The following DBX2 variants were observed in gnomAD, a reference collection of about 807,000 sequenced individuals.
DBX2 encodes the protein homeobox protein DBX2.
Under a neutral mutation model 17.7 loss-of-function variants are expected in DBX2, and 16 were observed. That is an observed-to-expected ratio of 0.90 (90% CI 0.61 to 1.37). The LOEUF is 1.37. Among genes scored for constraint, DBX2 ranks in the 40% most tolerant of loss-of-function variants. The pLI is 0.00. For synonymous variants in DBX2, 255 were observed against 183.8 expected, an observed-to-expected ratio of 1.39 and a Z score of -3.13; for missense variants, 538 against 433.8, an observed-to-expected ratio of 1.24 and a Z score of -2.13.
chr12:45,023,915 T>C, intron 2 of DBX2, 21 bp from the exon 3 acceptor site: 1 of 1,530,642 alleles, frequency 6.5e-7, no homozygotes, highest in Non-Finnish European at 8.7e-7. Flanking sequence ...GGGAAAAAGA[T>C]ACAAAAGCCC....
At chr12:45,029,542 G>A (rs1023758530) in intron 2 of DBX2, among the ~76,000 whole-genome samples, 3 of 152,182 alleles carry the variant, frequency 2.0e-5, no homozygotes, top group African/African-American at 7.2e-5. Flanking sequence ...AAGTGGGAAA[G>A]TGGCAAGAGT....
chr12:45,016,514 G>A lies in DBX2; in HGVS notation c.792C>T (p.Pro264=), dbSNP rs2137016413. 6.2e-7 allele frequency: 1 copy of A among 1,612,774 alleles called. No homozygotes were observed. Among genetic ancestry groups the A allele is most frequent in the East Asian group, 2.2e-5 (1 of 44,838 alleles). Residue 264 remains proline (P), a synonymous_variant, in exon 4 of 4, where the codon CCC becomes CCT. Transcript: ENST00000332700. ...CIQEVGLQED[P]LSRSALGFPS... is the part of the protein sequence containing the mutation. ...GGAAACCCAGAGCAGACCGTGAGAG[G>A]GGATCCTCTTGAAGACCTACTTCTT...
chr12:45,025,559 CCAGA>C (rs1356209967), intron 2 of DBX2, among the ~76,000 whole-genome samples: 1 of 151,538 alleles, frequency 6.6e-6, no homozygotes, highest in African/African-American at 2.4e-5. Flanking sequence ...GCTGAAGAAA[CCAGA>C]CAAAGAGCAC....
At chr12:45,019,425 C>T (rs1386490116) in intron 3 of DBX2, among the ~76,000 whole-genome samples, 1 of 151,982 alleles carries the variant, frequency 6.6e-6, no homozygotes, top group African/African-American at 2.4e-5. Context: ...TAGCATTGCC[C>T]ATGAGAGTGG....
At chr12:45,040,153 G>T (rs527437884) in intron 1 of DBX2, among the ~76,000 whole-genome samples, 1 of 152,216 alleles carries the variant, frequency 6.6e-6, no homozygotes, top group Admixed American at 6.5e-5. Context: ...TATCTAATCA[G>T]CTGCCAGTGC....
At chr12:45,049,784 G>T (rs192918581) in intron 1 of DBX2, among the ~76,000 whole-genome samples, 1 of 152,124 alleles carries the variant, frequency 6.6e-6, no homozygotes, top group Admixed American at 6.6e-5. Context: ...TAAATTGTCG[G>T]CATCCTTCTT....
In DBX2 at chr12:45,016,170, A is replaced by G; in HGVS notation, c.*116T>C. 1 of 1,127,544 alleles carries G rather than the reference A, an allele frequency of 8.9e-7. No homozygotes were observed. The highest frequency in any genetic ancestry group is 1.2e-6 in the Non-Finnish European group (1 of 819,140). 69.8% of individuals were successfully genotyped at this position (1,127,544 alleles called of 1,614,324 possible). ...TGGGTTTCCTAAAGCATTAGTTCAT[A>G]CATCGCTCCAAAGTTGTTAGGCTCT... On this transcript the variant is annotated 3_prime_UTR_variant, in exon 4 of 4. Transcript: ENST00000332700.
At chr12:45,022,114 A>C (rs995437317) in intron 3 of DBX2, among the ~76,000 whole-genome samples, 4 of 152,086 alleles carry the variant, frequency 2.6e-5, no homozygotes, top group African/African-American at 9.7e-5. Context: ...ACTGAGGCAC[A>C]GAACAACCAA....
intron 1 of DBX2, among the ~76,000 whole-genome samples, chr12:45,036,685 C>A (rs939510877): frequency 6.6e-6 from 1 of 152,090 alleles, no homozygotes; most frequent in Admixed American, 6.5e-5. Context: ...AAGTTTATAT[C>A]TCTTTGCTTA....
At chr12:45,035,093 G>A (rs1224472086) in intron 2 of DBX2, among the ~76,000 whole-genome samples, 1 of 152,220 alleles carries the variant, frequency 6.6e-6, no homozygotes, top group Non-Finnish European at 1.5e-5. Context: ...CACTTGTCAG[G>A]AATTATTCTG....
At chr12:45,016,763 A>C in intron 3 of DBX2, 145 bp from the exon 4 acceptor site, 1 of 589,834 alleles carries the variant, frequency 1.7e-6, no homozygotes, top group Non-Finnish European at 2.6e-6. Flanking sequence ...GGCTTTTCAC[A>C]TGGGCTCCTT....
intron 2 of DBX2, among the ~76,000 whole-genome samples, chr12:45,025,410 A>G (rs769400422): frequency 2.0e-5 from 3 of 152,108 alleles, no homozygotes; most frequent in East Asian, 1.9e-4. Context: ...TTTTAGCCCT[A>G]TGAGACCCAT....
chr12:45,028,484 T>C (rs1283770328), intron 2 of DBX2, among the ~76,000 whole-genome samples: 2 of 152,202 alleles, frequency 1.3e-5, no homozygotes, highest in African/African-American at 2.4e-5. Context: ...GATCTACATG[T>C]TAAAATAAAA....
rs1331533303 is a variant in DBX2 at position 45,050,552 on chromosome 12, C to G, written c.376G>C (p.Asp126His). 2 of 1,552,868 alleles carry G rather than the reference C, an allele frequency of 1.3e-6. No individual in the cohort carries two copies. Among genetic ancestry groups the G allele is most frequent in the African/African-American group, 1.4e-5 (1 of 73,090 alleles). The change falls in exon 1 of 4, where the codon GAC (aspartate) becomes CAC (histidine). Residue 126 changes from aspartate to histidine, a missense_variant. By Grantham distance (81) the Asp-to-His change is moderately conservative. Transcript: ENST00000332700. Reference sequence around the variant, plus strand: ...GGCGCTGAAGGCTGGAAGGTACAGTCTCGGTCCCCCGGAGCCCGGCCCGGC... The same window carrying G: ...GGCGCTGAAGGCTGGAAGGTACAGTGTCGGTCCCCCGGAGCCCGGCCCGGC... ...RLPGRAPGDR[D>H]CTFQPSAPAP...
At chr12:45,044,846 G>A (rs1259787665) in intron 1 of DBX2, among the ~76,000 whole-genome samples, 2 of 151,930 alleles carry the variant, frequency 1.3e-5, no homozygotes, top group African/African-American at 4.8e-5. Flanking sequence ...AATCAGCTAT[G>A]GTAACTTTAT....
chr12:45,017,077 C>T (rs1033794065), intron 3 of DBX2, among the ~76,000 whole-genome samples: 18 of 152,112 alleles, frequency 1.2e-4, no homozygotes, highest in African/African-American at 3.6e-4. Flanking sequence ...TGAGCCACCA[C>T]GCCCTGCCAA....
At chr12:45,046,122 T>C (rs1476052578) in intron 1 of DBX2, among the ~76,000 whole-genome samples, 2 of 152,154 alleles carry the variant, frequency 1.3e-5, no homozygotes, top group Admixed American at 6.6e-5. Context: ...GAGACAGAGA[T>C]ATTGGTTCTA....
Position 45,024,469 on chromosome 12 carries a change from C to T in DBX2, c.500-575G>A, listed in dbSNP as rs11182795. ...GTAGGGGAAATGTACATTTGCTTGT[C>T]CTCCCAATTTGCATGCCACATCAAG... On this transcript the variant is annotated intron_variant, in intron 2 of 3. Coordinates refer to ENST00000332700, the MANE Select transcript of DBX2 (RefSeq NM_001004329.3). Among the ~76,000 whole-genome samples, 923 of 152,290 alleles carry T rather than the reference C, an allele frequency of 6.1e-3. 36 individuals carry two copies. In the East Asian group the frequency reaches 0.12, roughly 20 times the overall value.
At chr12:45,038,966 TG>T (rs1565585069) in intron 1 of DBX2, among the ~76,000 whole-genome samples, 1 of 152,054 alleles carries the variant, frequency 6.6e-6, no homozygotes, top group East Asian at 1.9e-4. Flanking sequence ...ACTAAAGAAC[TG>T]GACTTCTTCA....
Sources: allele counts gnomAD v4.1 joint callset (sites outside exome capture counted in the v4.1 genomes callset), GRCh38; gene constraint gnomAD v4.1.1; transcripts MANE v1.5; gene names NCBI Gene and HGNC (gene_info 2026-07-23, HGNC 2026-07-21).